Variants in IKZF3 observed in about 807,000 individuals in gnomAD.
The protein encoded by IKZF3 is IKAROS family zinc finger 3.
In IKZF3, 10 loss-of-function variants were observed where a neutral mutation model predicts 49.0. The observed-to-expected ratio is 0.20, with a 90% CI of 0.13 to 0.35. IKZF3 has a LOEUF of 0.35. IKZF3 is among the 10% of genes least tolerant of loss of function. IKZF3 has a pLI of 1.00. For synonymous variants in IKZF3, 209 were observed against 228.2 expected, an observed-to-expected ratio of 0.92 and a Z score of 0.76; for missense variants, 498 against 664.8, an observed-to-expected ratio of 0.75 and a Z score of 2.76.
At chr17:39,832,035 C>A in intron 2 of IKZF3, 63 bp downstream of exon 2, 1 of 1,211,618 alleles carries the variant, frequency 8.3e-7, no homozygotes, top group Non-Finnish European at 1.2e-6. Flanking sequence ...TAAGCACATT[C>A]CTCTCTCTTT....
intron 3 of IKZF3, among the ~76,000 whole-genome samples, chr17:39,806,712 G>A (rs2061438362): frequency 6.6e-6 from 1 of 152,154 alleles, no homozygotes; most frequent in Admixed American, 6.5e-5. Flanking sequence ...ACGGCTCCTA[G>A]CATTCACACC....
At chr17:39,828,075 T>A (rs1388345572) in intron 3 of IKZF3, among the ~76,000 whole-genome samples, 1 of 152,246 alleles carries the variant, frequency 6.6e-6, no homozygotes, top group Admixed American at 6.5e-5. Context: ...ATCAGCTTTC[T>A]CTTTCCTACC....
At chr17:39,772,554 C>G (rs1462070584) in intron 7 of IKZF3, among the ~76,000 whole-genome samples, 1 of 152,148 alleles carries the variant, frequency 6.6e-6, no homozygotes, top group Non-Finnish European at 1.5e-5. Context: ...ACACTTCTTG[C>G]AGGAGGTGGA....
intron 7 of IKZF3, among the ~76,000 whole-genome samples, chr17:39,775,127 G>A (rs1391394284): frequency 6.6e-6 from 1 of 151,826 alleles, no homozygotes; most frequent in Non-Finnish European, 1.5e-5. Flanking sequence ...GTTAAGAAAT[G>A]ACAGAGCTAG....
chr17:39,812,214 G>A (rs547507810), intron 3 of IKZF3, among the ~76,000 whole-genome samples: 3 of 152,214 alleles, frequency 2.0e-5, no homozygotes, highest in African/African-American at 7.2e-5. Context: ...ACTATGTTGT[G>A]GAGAGAGCTC....
chr17:39,788,174 A>C, intron 6 of IKZF3, 84 bp downstream of exon 6: 1 of 783,116 alleles, frequency 1.3e-6, no homozygotes, highest in South Asian at 1.7e-5. Context: ...GTAAAATATA[A>C]ACTCCACGAG....
At chr17:39,853,215 T>C (rs1230522944) in intron 1 of IKZF3, among the ~76,000 whole-genome samples, 1 of 152,198 alleles carries the variant, frequency 6.6e-6, no homozygotes, top group East Asian at 1.9e-4. Context: ...AAGCTTTGTC[T>C]GCCTTTTTTA....
chr17:39,777,289 T>G (rs1408031187), intron 7 of IKZF3, among the ~76,000 whole-genome samples: 1 of 152,244 alleles, frequency 6.6e-6, no homozygotes, highest in Non-Finnish European at 1.5e-5. Flanking sequence ...TTGTAAAATA[T>G]AATTACAAAA....
chr17:39,839,946 C>T (rs898825575), intron 1 of IKZF3, among the ~76,000 whole-genome samples: 1 of 152,200 alleles, frequency 6.6e-6, no homozygotes, highest in Admixed American at 6.5e-5. Flanking sequence ...CAGACTTGAG[C>T]CACAATGCCT....
At chr17:39,771,978 G>A (rs1225832954) in intron 7 of IKZF3, among the ~76,000 whole-genome samples, 2 of 151,626 alleles carry the variant, frequency 1.3e-5, no homozygotes, top group African/African-American at 4.9e-5. Context: ...AAATTCCTGA[G>A]CTCAAGTGAT....
intron 6 of IKZF3, among the ~76,000 whole-genome samples, chr17:39,787,871 C>T (rs937125094): frequency 6.6e-6 from 1 of 152,236 alleles, no homozygotes; most frequent in African/African-American, 2.4e-5. Context: ...TCTGGTTTCC[C>T]ATTTCCTCTC....
At chr17:39,815,306 C>T (rs1168944130) in intron 3 of IKZF3, among the ~76,000 whole-genome samples, 1 of 152,216 alleles carries the variant, frequency 6.6e-6, no homozygotes, top group African/African-American at 2.4e-5. Flanking sequence ...GTCTTTTCCA[C>T]TAATTTAAGC....
At chr17:39,856,299 A>T (rs2063056187) in intron 1 of IKZF3, among the ~76,000 whole-genome samples, 1 of 151,768 alleles carries the variant, frequency 6.6e-6, no homozygotes, top group African/African-American at 2.4e-5. Context: ...TTATTTATTT[A>T]TTTTTTTGAG....
intron 3 of IKZF3, among the ~76,000 whole-genome samples, chr17:39,794,467 T>A (rs1034205514): frequency 3.3e-5 from 5 of 152,182 alleles, no homozygotes; most frequent in African/African-American, 9.7e-5. Flanking sequence ...TCAACCCAAG[T>A]TTCAATTTTC....
At chr17:39,807,322 G>A (rs905866920) in intron 3 of IKZF3, among the ~76,000 whole-genome samples, 16 of 151,624 alleles carry the variant, frequency 1.1e-4, no homozygotes, top group Non-Finnish European at 1.6e-4. Flanking sequence ...GTTCATAGAA[G>A]CTAAAAAATG....
intron 3 of IKZF3, among the ~76,000 whole-genome samples, chr17:39,824,917 G>A (rs868223089): frequency 5.9e-5 from 9 of 151,950 alleles, no homozygotes; most frequent in South Asian, 2.1e-4. Flanking sequence ...GGATGATCTC[G>A]ATCTCCTGAC....
chr17:39,779,763 G>A (rs1026997293), intron 6 of IKZF3, among the ~76,000 whole-genome samples: 1 of 150,656 alleles, frequency 6.6e-6, no homozygotes, highest in African/African-American at 2.4e-5. Context: ...CACCTGCCCT[G>A]GGCAAACATA....
At chr17:39,771,058 A>T (rs1280596733) in intron 7 of IKZF3, among the ~76,000 whole-genome samples, 1 of 152,182 alleles carries the variant, frequency 6.6e-6, no homozygotes, top group African/African-American at 2.4e-5. Context: ...ACTTTCCAAG[A>T]TTGCCCAGTT....
chr17:39,833,118 CCCATTCATCTCTCAAT>C (rs2062162238), intron 1 of IKZF3, among the ~76,000 whole-genome samples: 2 of 152,160 alleles, frequency 1.3e-5, no homozygotes, highest in Non-Finnish European at 2.9e-5. Context: ...TATGTTTCCA[CCCATTCATCTCTCAAT>C]CCATTCATCG....
Sources: allele counts gnomAD v4.1 joint callset (sites outside exome capture counted in the v4.1 genomes callset), GRCh38; gene constraint gnomAD v4.1.1; transcripts MANE v1.5; gene names NCBI Gene and HGNC (gene_info 2026-07-23, HGNC 2026-07-21).